The following GRID1 variants were observed in gnomAD, a reference collection of about 807,000 sequenced individuals.
GRID1 encodes glutamate ionotropic receptor delta type subunit 1.
Under a neutral mutation model 98.0 loss-of-function variants are expected in GRID1, and 28 were observed. The observed-to-expected ratio is 0.29, with a 90% CI of 0.21 to 0.39. The LOEUF is 0.39. Among genes scored for constraint, GRID1 ranks in the 10% least tolerant of loss-of-function variants. The pLI is 1.00. For synonymous variants in GRID1, 553 were observed against 538.5 expected (o/e 1.03, Z -0.37); for missense variants, 1,111 against 1,340.5 (o/e 0.83, Z 2.67).
At chr10:85,700,190 T>A in intron 12 of GRID1, among the ~76,000 whole-genome samples, 1 of 152,198 alleles carries the variant, frequency 6.6e-6, no homozygotes, top group East Asian at 1.9e-4. Flanking sequence ...GGTAACTTTA[T>A]AAACTCTAAC....
At chr10:85,891,773 T>A (rs1841203583) in intron 5 of GRID1, among the ~76,000 whole-genome samples, 1 of 152,106 alleles carries the variant, frequency 6.6e-6, no homozygotes, top group South Asian at 2.1e-4. Flanking sequence ...TTTAAAGGAC[T>A]AACAATGAAT....
intron 5 of GRID1, among the ~76,000 whole-genome samples, chr10:85,909,213 G>C (rs1404340016): frequency 6.6e-6 from 1 of 152,132 alleles, no homozygotes; most frequent in African/African-American, 2.4e-5. Context: ...CAGTTATGAG[G>C]GAAATGAAAA....
At chr10:86,072,233 A>C (rs144230450) in intron 4 of GRID1, among the ~76,000 whole-genome samples, 126 of 152,310 alleles carry the variant, frequency 8.3e-4, no homozygotes, top group Non-Finnish European at 1.3e-3. Context: ...TCCATACCTC[A>C]GTCAACTTTC....
intron 4 of GRID1, among the ~76,000 whole-genome samples, chr10:86,068,509 A>G (rs768887629): frequency 6.6e-6 from 1 of 152,152 alleles, no homozygotes; most frequent in African/African-American, 2.4e-5. Flanking sequence ...CTGATTCCCA[A>G]TTATAAAACA....
chr10:86,201,563 A>T lies in GRID1; in HGVS notation c.520+4801T>A, dbSNP rs574820778. On this transcript the variant is annotated intron_variant, in intron 3 of 15. Transcript: ENST00000327946. ...AGTGGAGGGTAGGAGGAGAGAGAGG[A>T]TCAAGAAAAACAACGAATGGGTACT... 7.2e-5 allele frequency among the ~76,000 whole-genome samples: 11 copies of T among 152,260 alleles called. No individual in the cohort carries two copies. In the East Asian group the frequency reaches 2.1e-3, roughly 29 times the overall value.
At chr10:85,724,110 A>G (rs1026452803) in intron 11 of GRID1, among the ~76,000 whole-genome samples, 2 of 152,196 alleles carry the variant, frequency 1.3e-5, no homozygotes, top group African/African-American at 4.8e-5. Flanking sequence ...AGGACTCCAA[A>G]GTTAATTTTA....
chr10:85,828,173 G>T (rs1842836412), intron 8 of GRID1, among the ~76,000 whole-genome samples: 1 of 152,056 alleles, frequency 6.6e-6, no homozygotes, highest in South Asian at 2.1e-4. Flanking sequence ...TAAACAACCT[G>T]CTCCCGAATG....
intron 8 of GRID1, among the ~76,000 whole-genome samples, chr10:85,839,253 A>G (rs749270437): frequency 4.6e-5 from 7 of 152,292 alleles, no homozygotes; most frequent in Admixed American, 2.0e-4. Context: ...GGAAATTAAG[A>G]TATTCAAGAC....
chr10:85,667,726 C>G (rs1841038833), intron 12 of GRID1, among the ~76,000 whole-genome samples: 1 of 152,190 alleles, frequency 6.6e-6, no homozygotes, highest in Admixed American at 6.5e-5. Flanking sequence ...GCCCCTAGCA[C>G]ATGGTAGGTG....
intron 2 of GRID1, among the ~76,000 whole-genome samples, chr10:86,274,726 G>A (rs1412619314): frequency 6.6e-6 from 1 of 151,690 alleles, no homozygotes. Flanking sequence ...TGTTATTGGT[G>A]TATAAGAATG....
At chr10:85,988,231 T>C (rs1366624004) in intron 4 of GRID1, among the ~76,000 whole-genome samples, 1 of 152,166 alleles carries the variant, frequency 6.6e-6, no homozygotes, top group Non-Finnish European at 1.5e-5. Flanking sequence ...GTTGCAGGTG[T>C]CACCCTGAGA....
chr10:86,236,316 T>A (rs1250287790), intron 2 of GRID1, among the ~76,000 whole-genome samples: 4 of 152,252 alleles, frequency 2.6e-5, no homozygotes, highest in African/African-American at 9.6e-5. Context: ...TTGCACGTTT[T>A]TTCTCTTAGG....
intron 4 of GRID1, among the ~76,000 whole-genome samples, chr10:86,123,144 G>A (rs1434334651): frequency 2.6e-5 from 4 of 152,230 alleles, no homozygotes; most frequent in Admixed American, 6.5e-5. Context: ...AGTGCCCCGG[G>A]GGATCTGGAA....
At chr10:85,708,187 G>A (rs1189632184) in intron 12 of GRID1, among the ~76,000 whole-genome samples, 2 of 149,886 alleles carry the variant, frequency 1.3e-5, no homozygotes. Context: ...GGCGGATCAC[G>A]AGGTCAGGAG....
At chr10:85,775,270 G>A (rs1419338972) in intron 8 of GRID1, among the ~76,000 whole-genome samples, 6 of 139,134 alleles carry the variant, frequency 4.3e-5, no homozygotes, top group African/African-American at 1.3e-4. Context: ...GGTGGGAATT[G>A]AACAATGAGA....
chr10:85,938,923 A>T (rs1841961784), intron 4 of GRID1, among the ~76,000 whole-genome samples: 1 of 152,274 alleles, frequency 6.6e-6, no homozygotes, highest in Non-Finnish European at 1.5e-5. Context: ...TTTAAAGTTA[A>T]TTTCTTCAAA....
chr10:85,850,327 G>A (rs1447749033), intron 8 of GRID1, among the ~76,000 whole-genome samples: 1 of 152,096 alleles, frequency 6.6e-6, no homozygotes, highest in Non-Finnish European at 1.5e-5. Context: ...AGTCATGCTT[G>A]TGGAGGAAAA....
intron 2 of GRID1, among the ~76,000 whole-genome samples, chr10:86,261,848 G>A (rs1019348729): frequency 6.6e-6 from 1 of 152,152 alleles, no homozygotes; most frequent in Non-Finnish European, 1.5e-5. Context: ...GGTCACACAA[G>A]GCTTCATTGC....
At chr10:86,159,935 A>G (rs1845297074) in intron 3 of GRID1, among the ~76,000 whole-genome samples, 1 of 152,308 alleles carries the variant, frequency 6.6e-6, no homozygotes, top group African/African-American at 2.4e-5. Context: ...TATCACCACG[A>G]CCATCATTAT....
Sources: gnomAD v4.1 joint callset for allele counts (sites outside exome capture counted in the v4.1 genomes callset) on GRCh38, gnomAD v4.1.1 for gene constraint, MANE v1.5 for transcripts, NCBI Gene and HGNC (gene_info 2026-07-23, HGNC 2026-07-21) for gene names.